The following P2RX1 variants were observed in gnomAD, a reference collection of about 807,000 sequenced individuals.
The protein encoded by P2RX1 is purinergic receptor P2X 1, also known as P2X purinoceptor 1.
A neutral mutation model predicts 50.3 loss-of-function variants in P2RX1; 42 were observed. That is an observed-to-expected ratio of 0.83 (90% CI 0.65 to 1.08). P2RX1 has a LOEUF of 1.08. P2RX1 is among the 50% of genes least tolerant of loss of function. P2RX1 has a pLI of 0.00. For missense variants in P2RX1, 449 were observed against 529.0 expected, an observed-to-expected ratio of 0.85 and a Z score of 1.48; for synonymous variants, 199 against 202.6, an observed-to-expected ratio of 0.98 and a Z score of 0.15.
At chr17:3,912,068 G>A (rs1285509679) in intron 1 of P2RX1, among the ~76,000 whole-genome samples, 1 of 152,238 alleles carries the variant, frequency 6.6e-6, no homozygotes, top group Non-Finnish European at 1.5e-5. Flanking sequence ...CCACTGTGAA[G>A]ACAGAGAACT....
At chr17:3,911,284 G>A (rs574839385) in intron 1 of P2RX1, among the ~76,000 whole-genome samples, 1 of 149,304 alleles carries the variant, frequency 6.7e-6, no homozygotes, top group Non-Finnish European at 1.5e-5. Context: ...CATGGCACCC[G>A]GTCTGTTTTT....
At position 3,904,955 on chromosome 17, in the gene P2RX1, T is replaced by C. The variant is rs376105549; in HGVS notation, c.286-26A>G. Reference sequence around the variant, plus strand: ...CTAGAAGTGAGGGGCAGGGGGAGGGTGGGGTGGGCTGGGAGCTGGGAGAAG... The same window carrying C: ...CTAGAAGTGAGGGGCAGGGGGAGGGCGGGGTGGGCTGGGAGCTGGGAGAAG... On this transcript the variant is annotated intron_variant, in intron 2 of 11. Transcript: ENST00000225538. 4.9e-4 allele frequency: 76 copies of C among 153,966 alleles called. 1 individual carries two copies. The African/African-American group carries it at 6.5e-3, about 13-fold the overall frequency. 9.5% of individuals were successfully genotyped at this position (153,966 alleles called of 1,614,324 possible).
rs181116190 is a variant in P2RX1, at chr17:3,900,251, G to A, written c.748-490C>T. 1.9e-3 allele frequency among the ~76,000 whole-genome samples: 294 copies of A among 152,136 alleles called. 2 individuals carry two copies. Among genetic ancestry groups the A allele is most frequent in the African/African-American group, 6.8e-3 (283 of 41,498 alleles). On this transcript the variant is annotated intron_variant, in intron 7 of 11. Transcript: ENST00000225538. ...GCAGATCACTTGAGATCAGGAGTTC[G>A]AGACCAGCCAGACCAACGCAATGAA... is the stretch of plus-strand genomic sequence containing the variant.
Position 3,903,074 on chromosome 17 carries a change from A to G in P2RX1, c.747+128T>C, listed in dbSNP as rs910119401. 8 of 1,313,270 alleles carry G rather than the reference A, an allele frequency of 6.1e-6. No individual in the cohort carries two copies. In the African/African-American group the frequency reaches 1.0e-4, roughly 17 times the overall value. The allele number at this position is 1,313,270 out of a possible 1,614,324, so 81.4% of individuals were successfully genotyped here. A position where few individuals can be genotyped will look rare whatever the true frequency, so the allele number is the denominator to read the frequency against. On this transcript the variant is annotated intron_variant, in intron 7 of 11. Transcript: ENST00000225538. This position sits in a 1 kb window ranked among gnomAD's most constrained non-coding sequence, Gnocchi z 4.6. ...CTGACGCTCAGGGGGCCCCAGTATC[A>G]GGGGACAGACCCATACATATACTCA...
At chr17:3,904,982 G>T in intron 2 of P2RX1, 53 bp from the exon 3 acceptor site, 1 of 1,275,100 alleles carries the variant, frequency 7.8e-7, no homozygotes. Context: ...TGGGAGAAGA[G>T]CCCCAAGGGC....
intron 1 of P2RX1, among the ~76,000 whole-genome samples, chr17:3,906,884 T>C (rs574208976): frequency 4.5e-4 from 69 of 152,276 alleles, no homozygotes; most frequent in African/African-American, 1.6e-3. Flanking sequence ...GTTTCAGCAA[T>C]GAGGCCAGGA....
Position 3,907,432 on chromosome 17 carries a change from C to T in P2RX1, c.138-2065G>A, listed in dbSNP as rs145245225. ...CACTCCTTACCCTACCCCGAGCTCA[C>T]CTGTCCAAGGGGAGCTCAAAGCAAT... is the stretch of plus-strand genomic sequence containing the variant. On this transcript the variant is annotated intron_variant, in intron 1 of 11. Transcript: ENST00000225538. Among the ~76,000 whole-genome samples the T allele has an allele frequency of 3.7e-3, 569 of 152,100 alleles. 5 individuals are homozygous for T. The highest frequency in any genetic ancestry group is 0.014 in the Middle Eastern group (4 of 294).
In P2RX1 at chr17:3,905,292, G is replaced by T; in HGVS notation, c.213C>A (p.Gly71=). 5 of 1,613,986 alleles carry T rather than the reference G, an allele frequency of 3.1e-6. No homozygotes were observed. The highest frequency in any genetic ancestry group is 4.2e-6 in the Non-Finnish European group (5 of 1,180,032). The part of the protein sequence containing the change: ...LISSVSVKLK[G]LAVTQLPGLG... Reference sequence around the variant, plus strand: ...GGCCAGGGAGCTGGGTCACGGCCAGGCCCTTGAGTTTCACAGAGACACTGC... The same window carrying T: ...GGCCAGGGAGCTGGGTCACGGCCAGTCCCTTGAGTTTCACAGAGACACTGC... Residue 71 remains glycine (G), a synonymous_variant, in exon 2 of 12, where the codon GGC becomes GGA. Coordinates refer to ENST00000225538, the MANE Select transcript of P2RX1 (RefSeq NM_002558.4).
At chr17:3,899,545 G>A in intron 8 of P2RX1, 89 bp downstream of exon 8, 1 of 1,562,860 alleles carries the variant, frequency 6.4e-7, no homozygotes, top group Non-Finnish European at 8.8e-7. Context: ...TCCCCTCTGG[G>A]GACACTTTCT....
intron 4 of P2RX1, 123 bp downstream of exon 4, chr17:3,904,207 C>T: frequency 3.6e-6 from 4 of 1,121,818 alleles, no homozygotes; most frequent in Non-Finnish European, 4.0e-6. Context: ...GAGGGAGTCC[C>T]TCCCGGAGGC....
Position 3,903,364 on chromosome 17 carries a change from G to T in P2RX1, c.606-21C>A. 6.2e-7 allele frequency: 1 copy of T among 1,613,842 alleles called. No individual in the cohort carries two copies. Among genetic ancestry groups the T allele is most frequent in the Non-Finnish European group, 8.5e-7 (1 of 1,179,982 alleles). ...TGCGCCTGTGGGGGTGGAAGGTGTT[G>T]ACAGCTGCTGTGTGTCATCCGGGAG... On this transcript the variant is annotated intron_variant, in intron 6 of 11. Transcript: ENST00000225538. This position sits in a 1 kb window ranked among gnomAD's most constrained non-coding sequence, Gnocchi z 4.6.
rs371077963 is a variant in P2RX1 at position 3,897,876 on chromosome 17, C to T, written c.1138G>A (p.Glu380Lys). The part of the protein sequence containing the change: ...YAEDMGPGAA[E>K]RDLAATSSTL... ...GAGCTGGTAGCTGCGAGGTCACGCT[C>T]AGCCTGTGTACGTGGTGCAAGGGTT... The change falls in exon 12 of 12, where the codon GAG (glutamate) becomes AAG (lysine). Residue 380 changes from glutamate to lysine, a missense_variant. By Grantham distance (56) the Glu-to-Lys change is moderately conservative. Transcript: ENST00000225538. The T allele has an allele frequency of 1.1e-5, 17 of 1,613,882 alleles. No homozygotes were observed. Among genetic ancestry groups the T allele is most frequent in the East Asian group, 2.2e-5 (1 of 44,876 alleles).
chr17:3,907,713 G>T (rs868683793), intron 1 of P2RX1, among the ~76,000 whole-genome samples: 1 of 152,174 alleles, frequency 6.6e-6, no homozygotes, highest in Non-Finnish European at 1.5e-5. Context: ...ACAGGTGGAG[G>T]CATGACAAAG....
chr17:3,905,295 C>G lies in P2RX1; in HGVS notation c.210G>C (p.Lys70Asn). ...GLISSVSVKLKGLAVTQLPGL... is the reference protein window; with the variant it reads ...GLISSVSVKLNGLAVTQLPGL... Reference sequence around the variant, plus strand: ...CAGGGAGCTGGGTCACGGCCAGGCCCTTGAGTTTCACAGAGACACTGCTGA... The same window carrying G: ...CAGGGAGCTGGGTCACGGCCAGGCCGTTGAGTTTCACAGAGACACTGCTGA... The change falls in exon 2 of 12, where the codon AAG becomes AAC. Residue 70 changes from lysine to asparagine, a missense_variant. Coordinates refer to ENST00000225538, the MANE Select transcript of P2RX1 (RefSeq NM_002558.4). 3 of 1,613,990 alleles carry G rather than the reference C, an allele frequency of 1.9e-6. No individual in the cohort carries two copies. In the South Asian group the frequency reaches 3.3e-5, roughly 18 times the overall value.
chr17:3,898,500 A>G lies in P2RX1; in HGVS notation c.1016T>C (p.Ile339Thr), dbSNP rs2056075309. 2.5e-6 allele frequency: 4 copies of G among 1,614,024 alleles called. No homozygotes were observed. The highest frequency in any genetic ancestry group is 2.5e-6 in the Non-Finnish European group (3 of 1,179,910). ...IPTMTTIGSG[I>T]GIFGVATVLC... is the part of the protein sequence containing the mutation. ...AGCACTTACCACCCCAAAGATGCCAATTCCAGAGCCGATGGTGGTCATTGT... is the reference window on the plus strand; with the variant it reads ...AGCACTTACCACCCCAAAGATGCCAGTTCCAGAGCCGATGGTGGTCATTGT... Residue 339 changes from isoleucine to threonine, a missense_variant, in exon 10 of 12, where the codon ATT becomes ACT. Physicochemically the swap from Ile to Thr is moderately conservative, Grantham distance 89 (BLOSUM62 -1). Coordinates refer to ENST00000225538, the MANE Select transcript of P2RX1 (RefSeq NM_002558.4).
rs2056185054 is a variant in P2RX1, at chr17:3,903,218, C to T, written c.731G>A (p.Ser244Asn). The change falls in exon 7 of 12, where the codon AGC (serine) becomes AAC (asparagine). Residue 244 changes from serine to asparagine, a missense_variant. Transcript: ENST00000225538. The surrounding 1 kb of genome is among the most constrained non-coding windows in gnomAD (Gnocchi z 4.6). ...YVVQESGQNF[S>N]TLAEKGGVVG... The stretch of plus-strand genomic sequence containing the variant: ...GCTCCATACCTTCTCAGCCAGGGTG[C>T]TGAAGTTCTGGCCTGACTCTTGCAC... The T allele has an allele frequency of 6.2e-7, 1 of 1,614,024 alleles. No homozygotes were observed. Among genetic ancestry groups the T allele is most frequent in the South Asian group, 1.1e-5 (1 of 91,092 alleles).
Position 3,897,852 on chromosome 17 carries a change from A to C in P2RX1, c.1162T>G (p.Ser388Ala), listed in dbSNP as rs776659327. The C allele has an allele frequency of 3.7e-6, 6 of 1,613,628 alleles. No individual in the cohort carries two copies. Among genetic ancestry groups the C allele is most frequent in the Non-Finnish European group, 4.2e-6 (5 of 1,179,998 alleles). Reference protein sequence around the residue: ...AAERDLAATSSTLGLQENMRT... With the variant: ...AAERDLAATSATLGLQENMRT... ...ATGTTCTCCTGCAGGCCCAGGGTGG[A>C]GCTGGTAGCTGCGAGGTCACGCTCA... The change falls in exon 12 of 12, where the codon TCC (serine) becomes GCC (alanine). Residue 388 changes from serine (S) to alanine (A), a missense_variant. By Grantham distance (99) the Ser-to-Ala change is moderately conservative. Coordinates refer to ENST00000225538, the MANE Select transcript of P2RX1 (RefSeq NM_002558.4).
intron 1 of P2RX1, among the ~76,000 whole-genome samples, chr17:3,908,050 A>T (rs1189786574): frequency 1.3e-5 from 2 of 152,170 alleles, no homozygotes; most frequent in Non-Finnish European, 2.9e-5. Context: ...GGCGGTCTCA[A>T]GTGTCCCCAT....
intron 1 of P2RX1, among the ~76,000 whole-genome samples, chr17:3,908,694 T>G (rs1380670878): frequency 6.6e-6 from 1 of 152,194 alleles, no homozygotes; most frequent in African/African-American, 2.4e-5. Flanking sequence ...ACAGGCATCT[T>G]CAGAAGCCTC....
Sources: allele counts gnomAD v4.1 joint callset (sites outside exome capture counted in the v4.1 genomes callset), GRCh38; gene constraint gnomAD v4.1.1; non-coding constraint Gnocchi (gnomAD v3.1); transcripts MANE v1.5; gene names NCBI Gene and HGNC (gene_info 2026-07-23, HGNC 2026-07-21).